The following ANKRD17 variants were observed in gnomAD, a reference collection of about 807,000 sequenced individuals.
ANKRD17 encodes ankyrin repeat domain 17.
Under a neutral mutation model 229.7 loss-of-function variants are expected in ANKRD17, and 19 were observed. That is an observed-to-expected ratio of 0.08 (90% confidence interval 0.06 to 0.12). ANKRD17 has a LOEUF of 0.12. ANKRD17 is among the 10% of genes least tolerant of loss of function. ANKRD17 has a pLI of 1.00. For missense variants in ANKRD17, 2,176 were observed against 3,176.8 expected, an observed-to-expected ratio of 0.68 and a Z score of 7.57; for synonymous variants, 1,112 against 1,146.1, an observed-to-expected ratio of 0.97 and a Z score of 0.60.
chr4:73,092,402 G>A (rs942590588), intron 28 of ANKRD17, 102 bp from the exon 29 acceptor site: 8 of 928,700 alleles, frequency 8.6e-6, no homozygotes, highest in Non-Finnish European at 1.1e-5. Context: ...ACACAGTTTT[G>A]TGTGTATATA....
intron 2 of ANKRD17, among the ~76,000 whole-genome samples, chr4:73,171,177 GGGAGA>G (rs1409797474): frequency 3.4e-5 from 4 of 117,344 alleles, no homozygotes; most frequent in Non-Finnish European, 5.2e-5. Context: ...GCTCAGAGGG[GGGAGA>G]GAGAGAGAGA....
intron 1 of ANKRD17, among the ~76,000 whole-genome samples, chr4:73,237,263 A>C (rs1008168053): frequency 3.3e-5 from 5 of 152,214 alleles, no homozygotes; most frequent in Non-Finnish European, 7.3e-5. Context: ...ATACAAAACA[A>C]AACTGCTCAT....
Position 73,231,740 on chromosome 4 carries a change from G to A in ANKRD17, c.393+26536C>T, listed in dbSNP as rs575811809. Among the ~76,000 whole-genome samples the A allele has an allele frequency of 5.4e-4, 83 of 152,296 alleles. 1 individual carries two copies. The South Asian group carries it at 0.016, about 29-fold the overall frequency. ...AGGGTTGGTTTTAGCAGAAAGACCA[G>A]GGGAAGATTAAATGGTTGGGATTTT... On this transcript the variant is annotated intron_variant, in intron 1 of 33. Coordinates refer to ENST00000358602, the MANE Select transcript of ANKRD17 (RefSeq NM_032217.5).
intron 1 of ANKRD17, among the ~76,000 whole-genome samples, chr4:73,213,325 T>A (rs1000291467): frequency 6.6e-6 from 1 of 152,162 alleles, no homozygotes; most frequent in Non-Finnish European, 1.5e-5. Context: ...AGAGTTAGGC[T>A]GGCAGCAATA....
chr4:73,220,800 A>G (rs1175816331), intron 1 of ANKRD17, among the ~76,000 whole-genome samples: 1 of 152,172 alleles, frequency 6.6e-6, no homozygotes, highest in Non-Finnish European at 1.5e-5. Flanking sequence ...ACGGTAATGA[A>G]CTTCAAGTAG....
chr4:73,151,755 G>C (rs115652707), intron 6 of ANKRD17, among the ~76,000 whole-genome samples: 313 of 152,218 alleles, frequency 2.1e-3, no homozygotes, highest in African/African-American at 7.1e-3. Flanking sequence ...GTCCCTGCTA[G>C]AGGTGAACAA....
chr4:73,152,783 C>T (rs910358957), intron 6 of ANKRD17, among the ~76,000 whole-genome samples: 11 of 152,112 alleles, frequency 7.2e-5, no homozygotes, highest in African/African-American at 2.7e-4. Context: ...CTTACCTCCT[C>T]TCCTCCCAGT....
intron 16 of ANKRD17, among the ~76,000 whole-genome samples, chr4:73,130,392 C>T (rs1040043821): frequency 3.3e-5 from 5 of 152,008 alleles, no homozygotes; most frequent in African/African-American, 4.8e-5. Context: ...CATGTTAAAT[C>T]ACTGTGATTA....
At chr4:73,151,960 T>C (rs1445677395) in intron 6 of ANKRD17, among the ~76,000 whole-genome samples, 2 of 152,270 alleles carry the variant, frequency 1.3e-5, no homozygotes, top group Non-Finnish European at 1.5e-5. Flanking sequence ...AGAAACACTT[T>C]AGGAAAAACC....
chr4:73,090,438 C>G (rs1182017464), intron 29 of ANKRD17, among the ~76,000 whole-genome samples: 3 of 152,024 alleles, frequency 2.0e-5, no homozygotes, highest in Non-Finnish European at 4.4e-5. Flanking sequence ...AAAACCCCGC[C>G]TGATCAGAAG....
intron 1 of ANKRD17, among the ~76,000 whole-genome samples, chr4:73,233,923 A>G (rs1285210881): frequency 6.6e-6 from 1 of 151,954 alleles, no homozygotes; most frequent in Non-Finnish European, 1.5e-5. Context: ...TGTCCTTAAG[A>G]GTTCTAAAAT....
Position 73,092,218 on chromosome 4 carries a change from T to A in ANKRD17, c.5410A>T (p.Ile1804Phe). The A allele has an allele frequency of 6.2e-7, 1 of 1,614,200 alleles. No individual in the cohort carries two copies. The highest frequency in any genetic ancestry group is 1.1e-5 in the South Asian group (1 of 91,082). ...GAGCTTTTCAAACGATTCTTTGGAA[T>A]AAGTTCATCAATTTCTTTGTCTGGA... ...KDPDKEIDEL[I>F]PKNRLKSSSA... The change falls in exon 29 of 34, where the codon ATT becomes TTT. Residue 1804 changes from isoleucine (I) to phenylalanine (F), a missense_variant. Coordinates refer to ENST00000358602, the MANE Select transcript of ANKRD17 (RefSeq NM_032217.5).
intron 27 of ANKRD17, among the ~76,000 whole-genome samples, chr4:73,095,888 C>T (rs920305234): frequency 2.6e-5 from 4 of 152,002 alleles, no homozygotes; most frequent in African/African-American, 4.8e-5. Context: ...TGGGGTCTTG[C>T]TATGTTGCCC....
At chr4:73,215,991 G>A (rs554247051) in intron 1 of ANKRD17, among the ~76,000 whole-genome samples, 48 of 152,200 alleles carry the variant, frequency 3.2e-4, no homozygotes, top group African/African-American at 1.1e-3. Context: ...GCTCAGCCCA[G>A]GAGTTCAAGG....
chr4:73,098,297 C>T lies in ANKRD17; in HGVS notation c.4797G>A (p.Val1599=), dbSNP rs1430290978. 1.9e-6 allele frequency: 3 copies of T among 1,614,226 alleles called. No homozygotes were observed. Among genetic ancestry groups the T allele is most frequent in the South Asian group, 1.1e-5 (1 of 91,086 alleles). The part of the protein sequence containing the change: ...LPISYSQPEK[V]NGESKSSSTS... ...TACTGCTGCTCTTGGACTCTCCATT[C>T]ACCTTCTCTGGCTGACTGTATGAAA... Residue 1599 remains valine (V), a synonymous_variant, in exon 26 of 34, where the codon GTG becomes GTA. Coordinates refer to ENST00000358602, the MANE Select transcript of ANKRD17 (RefSeq NM_032217.5).
intron 16 of ANKRD17, among the ~76,000 whole-genome samples, chr4:73,127,569 C>G (rs1024704763): frequency 1.3e-5 from 2 of 151,966 alleles, no homozygotes; most frequent in Admixed American, 1.3e-4. Flanking sequence ...ATGTTTATCA[C>G]CCACAGAGAC....
chr4:73,215,346 G>A (rs984746388), intron 1 of ANKRD17, among the ~76,000 whole-genome samples: 8 of 151,598 alleles, frequency 5.3e-5, no homozygotes, highest in Non-Finnish European at 1.0e-4. Flanking sequence ...TGCAACCTCC[G>A]CCTCGCGGGT....
chr4:73,127,616 A>T (rs914278761), intron 16 of ANKRD17, among the ~76,000 whole-genome samples: 1 of 152,142 alleles, frequency 6.6e-6, no homozygotes, highest in Admixed American at 6.6e-5. Flanking sequence ...TGTCTTATCC[A>T]TGTTTGTATT....
At chr4:73,197,903 T>C (rs562065459) in intron 1 of ANKRD17, among the ~76,000 whole-genome samples, 4 of 152,316 alleles carry the variant, frequency 2.6e-5, no homozygotes, top group African/African-American at 9.6e-5. Context: ...GTATTAAATA[T>C]ATGTTTTTGG....
Sources: gnomAD v4.1 joint callset for allele counts (sites outside exome capture counted in the v4.1 genomes callset) on GRCh38, gnomAD v4.1.1 for gene constraint, MANE v1.5 for transcripts, NCBI Gene and HGNC (gene_info 2026-07-23, HGNC 2026-07-21) for gene names.